PCDHA5: variants seen among roughly 807,000 people sequenced by gnomAD.
The protein encoded by PCDHA5 is protocadherin alpha-5.
Under a neutral mutation model 61.6 loss-of-function variants are expected in PCDHA5, and 43 were observed. The observed-to-expected ratio is 0.70, with a 90% CI of 0.55 to 0.90. The LOEUF is 0.90. Among genes scored for constraint, PCDHA5 ranks in the 40% least tolerant of loss-of-function variants. The pLI, the probability that PCDHA5 is intolerant of heterozygous loss-of-function variation, is 0.00. For missense variants in PCDHA5, 1,298 were observed against 1,222.7 expected (o/e 1.06, Z -0.92); for synonymous variants, 627 against 543.9 (o/e 1.15, Z -2.13).
chr5:140,920,559 C>T (rs2153557837), intron 1 of PCDHA5, among the ~76,000 whole-genome samples: 2 of 152,226 alleles, frequency 1.3e-5, no homozygotes, highest in South Asian at 4.1e-4. Context: ...GAAGTGTGGC[C>T]CTTAGGCCAG....
chr5:140,980,085 T>C (rs1294414077), intron 2 of PCDHA5, among the ~76,000 whole-genome samples: 1 of 152,242 alleles, frequency 6.6e-6, no homozygotes, highest in Non-Finnish European at 1.5e-5. Context: ...AGATTAGTAG[T>C]TGGCTTGGTA....
At chr5:140,869,764 G>A (rs1554163420) in intron 1 of PCDHA5, 4 of 1,613,244 alleles carry the variant, frequency 2.5e-6, no homozygotes, top group East Asian at 4.5e-5. Context: ...GGGAAAACCA[G>A]AGCTTACTGG....
At chr5:140,944,566 A>G (rs782290531) in intron 1 of PCDHA5, among the ~76,000 whole-genome samples, 37 of 152,182 alleles carry the variant, frequency 2.4e-4, no homozygotes, top group African/African-American at 7.5e-4. Context: ...CTGGCAACTT[A>G]CTGTAGAGAT....
At chr5:140,892,927 C>G (rs1554185442) in intron 1 of PCDHA5, among the ~76,000 whole-genome samples, 1 of 152,152 alleles carries the variant, frequency 6.6e-6, no homozygotes, top group African/African-American at 2.4e-5. Context: ...CCTTCCCAGC[C>G]TCTGATAAGC....
In PCDHA5 at chr5:140,874,725, T is replaced by C. The variant is rs181567985; in HGVS notation, c.2352+50598T>C. Among the ~76,000 whole-genome samples, 426 of 152,372 alleles carry C rather than the reference T, an allele frequency of 2.8e-3. 2 individuals are homozygous for C. Among genetic ancestry groups the C allele is most frequent in the Middle Eastern group, 0.014 (4 of 294 alleles). On this transcript the variant is annotated intron_variant, in intron 1 of 3. Transcript: ENST00000529859. The stretch of plus-strand genomic sequence containing the variant: ...ATGAGAGCAGTTATGTGAAAAGTTA[T>C]CACATTCAAGCATCAAGGAACCAAA...
chr5:140,842,069 A>C (rs2150328859), intron 1 of PCDHA5: 5 of 1,613,784 alleles, frequency 3.1e-6, no homozygotes, highest in Non-Finnish European at 4.2e-6. Flanking sequence ...ATACGAAGTA[A>C]GAATATTCGA....
Position 140,884,409 on chromosome 5 carries a change from C to G in PCDHA5, c.2352+60282C>G, listed in dbSNP as rs373513056. The G allele has an allele frequency of 2.7e-5, 43 of 1,613,874 alleles. No individual in the cohort carries two copies. The highest frequency in any genetic ancestry group is 4.0e-5 in the African/African-American group (3 of 74,930). On this transcript the variant is annotated intron_variant, in intron 1 of 3. Coordinates refer to ENST00000529859, the MANE Select transcript of PCDHA5 (RefSeq NM_018908.3). ...GCGGTGTCCAGCCTGTTGGTGCTCA[C>G]GTTGCTGCTGTATACTGCGCTGCGG...
chr5:141,004,500 T>C (rs1481568200), intron 3 of PCDHA5, among the ~76,000 whole-genome samples: 1 of 152,242 alleles, frequency 6.6e-6, no homozygotes, highest in Non-Finnish European at 1.5e-5. Context: ...GCAGTCCTGC[T>C]GTGAGGGGCT....
chr5:140,842,561 G>T (rs2150339210), intron 1 of PCDHA5: 1 of 1,492,420 alleles, frequency 6.7e-7, no homozygotes, highest in South Asian at 1.2e-5. Flanking sequence ...CAGCGCCCTG[G>T]ACCGCGAGAG....
intron 1 of PCDHA5, among the ~76,000 whole-genome samples, chr5:140,888,737 A>G (rs1468383652): frequency 6.6e-6 from 1 of 152,036 alleles, no homozygotes; most frequent in Non-Finnish European, 1.5e-5. Flanking sequence ...TGTGAGCTCT[A>G]GGAATTATTC....
At chr5:140,908,348 T>C (rs977122453) in intron 1 of PCDHA5, among the ~76,000 whole-genome samples, 43 of 152,160 alleles carry the variant, frequency 2.8e-4, no homozygotes, top group Non-Finnish European at 5.3e-4. Flanking sequence ...CACTACCTCA[T>C]GTAACTTACT....
intron 1 of PCDHA5, chr5:140,928,181 C>T (rs782130459): frequency 2.5e-6 from 4 of 1,614,186 alleles, no homozygotes; most frequent in Non-Finnish European, 3.4e-6. Flanking sequence ...ACCCGAAGGA[C>T]AATCACTGTG....
intron 1 of PCDHA5, chr5:140,928,607 G>T: frequency 1.2e-6 from 2 of 1,614,188 alleles, no homozygotes; most frequent in Non-Finnish European, 1.7e-6. Context: ...ATTGTGCCCC[G>T]CTCTGCCAGG....
chr5:140,854,300 G>A lies in PCDHA5; in HGVS notation c.2352+30173G>A, dbSNP rs193127815. The A allele has an allele frequency of 1.0e-3, 435 of 414,882 alleles. 8 individuals are homozygous for A. Among genetic ancestry groups the A allele is most frequent in the African/African-American group, 1.4e-3 (63 of 46,296 alleles). The allele number at this position is 414,882 out of a possible 1,614,324, so 25.7% of individuals were successfully genotyped here. The stretch of plus-strand genomic sequence containing the variant: ...GAGTTTAGTTTTTATTATTTTGTGC[G>A]TGGAGATGATTGATCAATGGCAAAC... On this transcript the variant is annotated intron_variant, in intron 1 of 3. Coordinates refer to ENST00000529859, the MANE Select transcript of PCDHA5 (RefSeq NM_018908.3).
At chr5:140,991,101 T>C (rs1281707030) in intron 3 of PCDHA5, among the ~76,000 whole-genome samples, 3 of 152,218 alleles carry the variant, frequency 2.0e-5, no homozygotes, top group African/African-American at 4.8e-5. Flanking sequence ...CTCATAAGAA[T>C]TAAGTGGCTT....
rs2150119412 is a variant in PCDHA5, at chr5:140,822,798, T to A, written c.1023T>A (p.Asp341Glu). Reference protein sequence around the residue: ...GHCKVVVKLLDVNDNTPEMAI... With the variant: ...GHCKVVVKLLEVNDNTPEMAI... The stretch of plus-strand genomic sequence containing the variant: ...GTAAAGTAGTAGTGAAACTCCTGGA[T>A]GTGAATGATAATACCCCAGAGATGG... Residue 341 changes from aspartate (D) to glutamate (E), a missense_variant, in exon 1 of 4, where the codon GAT becomes GAA. By Grantham distance (45) the Asp-to-Glu change is conservative (BLOSUM62 2). Transcript: ENST00000529859. The A allele has an allele frequency of 6.2e-7, 1 of 1,614,188 alleles. No individual in the cohort carries two copies. Among genetic ancestry groups the A allele is most frequent in the South Asian group, 1.1e-5 (1 of 91,086 alleles).
intron 1 of PCDHA5, among the ~76,000 whole-genome samples, chr5:140,905,419 C>T (rs2071826794): frequency 6.6e-6 from 1 of 152,158 alleles, no homozygotes; most frequent in South Asian, 2.1e-4. Flanking sequence ...CAGTACCATG[C>T]TGGTTTGATA....
In PCDHA5 at chr5:141,009,994, C is replaced by T; in HGVS notation, c.*57C>T. 1.3e-6 allele frequency: 2 copies of T among 1,577,076 alleles called. No individual in the cohort carries two copies. Among genetic ancestry groups the T allele is most frequent in the South Asian group, 1.2e-5 (1 of 83,074 alleles). On this transcript the variant is annotated 3_prime_UTR_variant, in exon 4 of 4. Transcript: ENST00000529859. Reference sequence around the variant, plus strand: ...GTTTTTGTAATAATGGCAAATCTCTCCCATGTAGCAATTCCCTGCTCCTTT... The same window carrying T: ...GTTTTTGTAATAATGGCAAATCTCTTCCATGTAGCAATTCCCTGCTCCTTT...
At chr5:140,969,224 T>A (rs782172299) in intron 1 of PCDHA5, 1 of 1,614,100 alleles carries the variant, frequency 6.2e-7, no homozygotes, top group East Asian at 2.2e-5. Context: ...ACCAGGGCCT[T>A]CGGGAGCCCA....
Sources: gnomAD v4.1 joint callset for allele counts (sites outside exome capture counted in the v4.1 genomes callset) on GRCh38, gnomAD v4.1.1 for gene constraint, MANE v1.5 for transcripts, NCBI Gene and HGNC (gene_info 2026-07-23, HGNC 2026-07-21) for gene names.